LRFN2: variants seen among roughly 807,000 people sequenced by gnomAD.
The protein encoded by LRFN2 is leucine rich repeat and fibronectin type III domain containing 2.
In LRFN2, 18 loss-of-function variants were observed where a neutral mutation model predicts 37.3. That is an observed-to-expected ratio of 0.48 (90% CI 0.33 to 0.72). The LOEUF is 0.72. Among genes scored for constraint, LRFN2 ranks in the 30% least tolerant of loss-of-function variants. The pLI is 0.02. For missense variants in LRFN2, 1,006 were observed against 1,060.7 expected (o/e 0.95, Z 0.72); for synonymous variants, 556 against 466.6 (o/e 1.19, Z -2.47).
chr6:40,402,424 A>T (rs1762758680), intron 2 of LRFN2, among the ~76,000 whole-genome samples: 1 of 152,226 alleles, frequency 6.6e-6, no homozygotes, highest in African/African-American at 2.4e-5. Flanking sequence ...CAAGTCTTGG[A>T]GTCAGGCCAA....
At chr6:40,468,372 C>T (rs545051222) in intron 1 of LRFN2, among the ~76,000 whole-genome samples, 1 of 152,212 alleles carries the variant, frequency 6.6e-6, no homozygotes, top group East Asian at 1.9e-4. Context: ...CCAGTAAAAA[C>T]ATGATAAGAA....
rs1398667072 is a variant in LRFN2, at chr6:40,587,236, G to A, written c.-314C>T. On this transcript the variant is annotated 5_prime_UTR_variant, in exon 1 of 3. Transcript: ENST00000338305. The surrounding 1 kb of genome is among the most constrained non-coding windows in gnomAD (Gnocchi z 4.2). ...AATAATAATAATAATCCCTCCCTAG[G>A]AGGATGCCGGTAGGATTTTCCGGAT... 1 of 152,148 alleles carries A rather than the reference G, an allele frequency of 6.6e-6. No homozygotes were observed. The highest frequency in any genetic ancestry group is 1.5e-5 in the Non-Finnish European group (1 of 68,030). The allele number at this position is 152,148 out of a possible 1,614,324, so 9.4% of individuals were successfully genotyped here. A position where few individuals can be genotyped will look rare whatever the true frequency, so the allele number is the denominator to read the frequency against.
chr6:40,486,219 C>T (rs1201803153), intron 1 of LRFN2, among the ~76,000 whole-genome samples: 1 of 152,022 alleles, frequency 6.6e-6, no homozygotes, highest in Admixed American at 6.6e-5. Context: ...GGGAGTGGGG[C>T]TGGTATGAAC....
intron 2 of LRFN2, among the ~76,000 whole-genome samples, chr6:40,397,790 G>A (rs1480771775): frequency 6.8e-6 from 1 of 147,222 alleles, no homozygotes; most frequent in Non-Finnish European, 1.5e-5. Flanking sequence ...GCCAAGAGCC[G>A]AGGTGTTACG....
At chr6:40,434,000 A>T in intron 1 of LRFN2, among the ~76,000 whole-genome samples, 1 of 152,214 alleles carries the variant, frequency 6.6e-6, no homozygotes, top group East Asian at 1.9e-4. Flanking sequence ...ACCTTCTCCC[A>T]GAGGCCTTCC....
chr6:40,421,116 A>G (rs1181888588), intron 2 of LRFN2, among the ~76,000 whole-genome samples: 1 of 152,224 alleles, frequency 6.6e-6, no homozygotes, highest in Non-Finnish European at 1.5e-5. Flanking sequence ...GAATGTGAGC[A>G]AGAGCAAGAG....
chr6:40,436,730 A>C (rs900315069), intron 1 of LRFN2, among the ~76,000 whole-genome samples: 38 of 152,332 alleles, frequency 2.5e-4, no homozygotes, highest in African/African-American at 7.7e-4. Context: ...CTCTGTGCTC[A>C]AAGGTGTTCT....
rs1179617576 is a variant in LRFN2, at chr6:40,573,239, G to A, written c.-19+13702C>T. 2.0e-5 allele frequency among the ~76,000 whole-genome samples: 3 copies of A among 152,202 alleles called. No individual in the cohort carries two copies. In the East Asian group the frequency reaches 5.8e-4, roughly 29 times the overall value. On this transcript the variant is annotated intron_variant, in intron 1 of 2. Transcript: ENST00000338305. ...AAGTACCTGCCCTGACTATTCCAGA[G>A]GCCATTGGGATGAAAAATGAGACCA... is the stretch of plus-strand genomic sequence containing the variant.
chr6:40,504,734 G>C (rs373286398), intron 1 of LRFN2, among the ~76,000 whole-genome samples: 5 of 151,934 alleles, frequency 3.3e-5, no homozygotes, highest in African/African-American at 1.2e-4. Flanking sequence ...AGTGAGTCAC[G>C]GCCAGCCTCA....
intron 1 of LRFN2, among the ~76,000 whole-genome samples, chr6:40,435,052 T>TAGAGAG (rs1202054790): frequency 0.012 from 467 of 37,478 alleles, 13 homozygotes; most frequent in Non-Finnish European, 0.015. Flanking sequence ...TATATATATA[T>TAGAGAG]AGAGAGAGAG....
At chr6:40,540,043 C>T (rs1766522608) in intron 1 of LRFN2, among the ~76,000 whole-genome samples, 1 of 152,154 alleles carries the variant, frequency 6.6e-6, no homozygotes, top group South Asian at 2.1e-4. Flanking sequence ...GTCGGAGTCA[C>T]AGCCCTGGCG....
At chr6:40,400,191 AC>A (rs1428005432) in intron 2 of LRFN2, among the ~76,000 whole-genome samples, 2 of 151,834 alleles carry the variant, frequency 1.3e-5, no homozygotes, top group Non-Finnish European at 2.9e-5. Context: ...GAGGACTGGA[AC>A]TGTGTCTTAT....
At chr6:40,464,711 C>A (rs1209386324) in intron 1 of LRFN2, among the ~76,000 whole-genome samples, 2 of 152,198 alleles carry the variant, frequency 1.3e-5, no homozygotes, top group South Asian at 4.1e-4. Context: ...TGTGACTCTG[C>A]CTTCCGTGGC....
chr6:40,453,757 G>A (rs568881563), intron 1 of LRFN2, among the ~76,000 whole-genome samples: 1 of 152,174 alleles, frequency 6.6e-6, no homozygotes, highest in South Asian at 2.1e-4. Context: ...ATTTGCTGAG[G>A]GCATGTTTTG....
intron 1 of LRFN2, among the ~76,000 whole-genome samples, chr6:40,469,433 G>A (rs1470301036): frequency 2.0e-5 from 3 of 152,226 alleles, no homozygotes; most frequent in African/African-American, 7.2e-5. Flanking sequence ...TCCTGGGCTA[G>A]TAGGGCCTGT....
chr6:40,510,597 G>A (rs1448937582), intron 1 of LRFN2, among the ~76,000 whole-genome samples: 10 of 152,248 alleles, frequency 6.6e-5, no homozygotes, highest in Admixed American at 5.2e-4. Context: ...ACAGTGAGGA[G>A]TGGGGTGATA....
At chr6:40,559,805 C>T (rs1404253361) in intron 1 of LRFN2, among the ~76,000 whole-genome samples, 1 of 152,196 alleles carries the variant, frequency 6.6e-6, no homozygotes, top group Non-Finnish European at 1.5e-5. Context: ...GACTCCCCAT[C>T]CTGGACGGGC....
chr6:40,418,614 G>A (rs1486642409), intron 2 of LRFN2, among the ~76,000 whole-genome samples: 1 of 152,066 alleles, frequency 6.6e-6, no homozygotes. Flanking sequence ...CTAGACCCTG[G>A]CTTCTCATCA....
chr6:40,413,583 G>A lies in LRFN2; in HGVS notation c.1400+18131C>T, dbSNP rs534491264. On this transcript the variant is annotated intron_variant, in intron 2 of 2. Coordinates refer to ENST00000338305, the MANE Select transcript of LRFN2 (RefSeq NM_020737.3). ...GGGAGGCAGAGCAGCCATGGTTCAA[G>A]TGGCAAGTTATAAATTAGAACACTC... Among the ~76,000 whole-genome samples, 255 of 152,336 alleles carry A rather than the reference G, an allele frequency of 1.7e-3. 2 individuals carry two copies. Among genetic ancestry groups the A allele is most frequent in the African/African-American group, 5.5e-3 (228 of 41,578 alleles).
Sources: gnomAD v4.1 joint callset for allele counts (sites outside exome capture counted in the v4.1 genomes callset) on GRCh38, gnomAD v4.1.1 for gene constraint, Gnocchi (gnomAD v3.1) non-coding constraint, MANE v1.5 for transcripts, NCBI Gene and HGNC (gene_info 2026-07-23, HGNC 2026-07-21) for gene names.